LIMS1: variants seen among roughly 807,000 people sequenced by gnomAD.
LIMS1 encodes the protein LIM and senescent cell antigen-like-containing domain protein 1.
A neutral mutation model predicts 44.1 loss-of-function variants in LIMS1; 18 were observed. That is an observed-to-expected ratio of 0.41 (90% CI 0.28 to 0.61). The LOEUF (loss-of-function observed/expected upper bound fraction) is 0.61, where lower values mean the gene tolerates loss of function less well. Among genes scored for constraint, LIMS1 ranks in the 20% least tolerant of loss-of-function variants. The probability of loss-of-function intolerance (pLI) is 0.32; values close to 1 mark genes in which losing one functional copy is unlikely to be tolerated. For synonymous variants in LIMS1, 93 were observed against 149.1 expected, an observed-to-expected ratio of 0.62 and a Z score of 2.74; for missense variants, 201 against 422.0, an observed-to-expected ratio of 0.48 and a Z score of 4.59.
At chr2:108,564,041 C>CAAA (rs201454363) in intron 1 of LIMS1, among the ~76,000 whole-genome samples, 82 of 92,280 alleles carry the variant, frequency 8.9e-4, no homozygotes, top group African/African-American at 2.9e-3. Context: ...GACCCTGTCT[C>CAAA]AAAAAAAAAA....
chr2:108,588,581 GTT>G, intron 1 of LIMS1: 4 of 985,498 alleles, frequency 4.1e-6, no homozygotes, highest in Non-Finnish European at 4.8e-6. Context: ...TTTGAGAGAA[GTT>G]TAAGAGAAGA....
intron 1 of LIMS1, among the ~76,000 whole-genome samples, chr2:108,615,351 A>T (rs753397769): frequency 6.6e-6 from 1 of 152,066 alleles, no homozygotes; most frequent in Non-Finnish European, 1.5e-5. Flanking sequence ...GATACCCTCT[A>T]TTTTGCCCTC....
chr2:108,680,793 T>C (rs374204121), intron 9 of LIMS1, 23 bp downstream of exon 9: 1 of 1,598,482 alleles, frequency 6.3e-7, no homozygotes, highest in Non-Finnish European at 8.5e-7. Context: ...TTTTGTCCAG[T>C]GTGAATCCTA....
chr2:108,645,847 A>G (rs974902476), intron 1 of LIMS1, among the ~76,000 whole-genome samples: 1 of 152,014 alleles, frequency 6.6e-6, no homozygotes, highest in African/African-American at 2.4e-5. Flanking sequence ...CAGGAGTTGC[A>G]ATCCTAGTCT....
intron 1 of LIMS1, among the ~76,000 whole-genome samples, chr2:108,577,757 T>C (rs1558794355): frequency 6.6e-6 from 1 of 152,244 alleles, no homozygotes; most frequent in Non-Finnish European, 1.5e-5. Flanking sequence ...CAAAGCTGTT[T>C]AGCATTTCTG....
At chr2:108,610,894 G>T (rs374373259) in intron 1 of LIMS1, among the ~76,000 whole-genome samples, 3 of 152,142 alleles carry the variant, frequency 2.0e-5, no homozygotes, top group African/African-American at 7.2e-5. Context: ...TAGAAAAGTT[G>T]CAGAGGTCAG....
chr2:108,555,044 C>T (rs1313405361), intron 1 of LIMS1, among the ~76,000 whole-genome samples: 1 of 152,154 alleles, frequency 6.6e-6, no homozygotes, highest in African/African-American at 2.4e-5. Flanking sequence ...TTCCTAATAA[C>T]GAGATGCACA....
intron 1 of LIMS1, among the ~76,000 whole-genome samples, chr2:108,615,860 G>T (rs1368892961): frequency 6.6e-6 from 1 of 152,182 alleles, no homozygotes; most frequent in African/African-American, 2.4e-5. Context: ...ATGGAGGACT[G>T]TGATAGTTAA....
chr2:108,534,424 C>T (rs1158523067), exon 1 of LIMS1: 1 of 526,402 alleles, frequency 1.9e-6, no homozygotes, highest in Non-Finnish European at 2.7e-6. Flanking sequence ...CGCGCCCCCG[C>T]GCGGCCGGCC....
At chr2:108,557,391 C>CTA (rs1684961631) in intron 1 of LIMS1, among the ~76,000 whole-genome samples, 1 of 150,442 alleles carries the variant, frequency 6.6e-6, no homozygotes, top group African/African-American at 2.4e-5. Context: ...TTTCTTAAGA[C>CTA]TATAGATTTT....
At chr2:108,575,809 G>A (rs564672183) in intron 1 of LIMS1, among the ~76,000 whole-genome samples, 2 of 152,328 alleles carry the variant, frequency 1.3e-5, no homozygotes, top group South Asian at 2.1e-4. Flanking sequence ...GTGCGTTTGT[G>A]TGTGTGTGGT....
At chr2:108,610,012 A>G (rs192009255) in intron 1 of LIMS1, among the ~76,000 whole-genome samples, 3,898 of 152,042 alleles carry the variant, frequency 0.026, 128 homozygotes, top group South Asian at 0.14. Flanking sequence ...GTGTGGTGGC[A>G]GGCGCCTGTA....
At chr2:108,603,238 A>T (rs1687103359) in intron 1 of LIMS1, among the ~76,000 whole-genome samples, 1 of 152,106 alleles carries the variant, frequency 6.6e-6, no homozygotes, top group African/African-American at 2.4e-5. Flanking sequence ...GTCTGGTATA[A>T]TTCAGCAGTG....
At chr2:108,569,752 C>T (rs745390900) in intron 1 of LIMS1, among the ~76,000 whole-genome samples, 7 of 133,070 alleles carry the variant, frequency 5.3e-5, no homozygotes, top group Admixed American at 3.9e-4. Flanking sequence ...AAACACTCAC[C>T]GCCATATCTG....
chr2:108,615,662 G>A (rs1449677546), intron 1 of LIMS1, among the ~76,000 whole-genome samples: 1 of 152,186 alleles, frequency 6.6e-6, no homozygotes, highest in African/African-American at 2.4e-5. Flanking sequence ...ATTGCTGAAT[G>A]TGCAGAGCCT....
chr2:108,550,395 A>G (rs1684641380), intron 1 of LIMS1, among the ~76,000 whole-genome samples: 1 of 151,832 alleles, frequency 6.6e-6, no homozygotes, highest in Non-Finnish European at 1.5e-5. Context: ...GCTACTGAGG[A>G]GGCTGAGGCA....
chr2:108,599,834 A>G (rs372428946), intron 1 of LIMS1, among the ~76,000 whole-genome samples: 2,392 of 151,726 alleles, frequency 0.016, 4 homozygotes, highest in African/African-American at 0.033. Context: ...TCTTTTGAGA[A>G]ATATCTTTTC....
rs1469384389 is a variant in LIMS1, at chr2:108,551,949, G to GTATA, written c.32+17356_32+17357insATAT. On this transcript the variant is annotated intron_variant, in intron 1 of 9. Transcript: ENST00000544547. The stretch of plus-strand genomic sequence containing the variant: ...TATATATGTGTGTGTGTGTGTGTGT[G>GTATA]TGTGTATATATATATATATATATGT... Among the ~76,000 whole-genome samples, 171 of 98,028 alleles carry GTATA rather than the reference G, an allele frequency of 1.7e-3. 2 individuals are homozygous for GTATA. In the South Asian group the frequency reaches 0.026, roughly 15 times the overall value. The allele number at this position is 98,028 out of a possible 152,430, so 64.3% of individuals were successfully genotyped here.
chr2:108,587,681 T>G (rs1422481156), intron 1 of LIMS1, among the ~76,000 whole-genome samples: 1 of 152,216 alleles, frequency 6.6e-6, no homozygotes, highest in Non-Finnish European at 1.5e-5. Flanking sequence ...CTGAATTAAT[T>G]GCTCTCAAGT....
Sources: allele counts gnomAD v4.1 joint callset (sites outside exome capture counted in the v4.1 genomes callset), GRCh38; gene constraint gnomAD v4.1.1; transcripts MANE v1.5; gene names NCBI Gene and HGNC (gene_info 2026-07-23, HGNC 2026-07-21).